The following PHLPP1 variants were observed in gnomAD, a reference collection of about 807,000 sequenced individuals.
PHLPP1 encodes PH domain and leucine rich repeat protein phosphatase 1, also known as PH domain leucine-rich repeat-containing protein phosphatase 1.
Under a neutral mutation model 117.2 loss-of-function variants are expected in PHLPP1, and 42 were observed. That is an observed-to-expected ratio of 0.36 (90% CI 0.28 to 0.46). The LOEUF (loss-of-function observed/expected upper bound fraction) is 0.46, where lower values mean the gene tolerates loss of function less well. Among genes scored for constraint, PHLPP1 ranks in the 20% least tolerant of loss-of-function variants. PHLPP1 has a pLI of 1.00. For synonymous variants in PHLPP1, 1,042 were observed against 970.7 expected (o/e 1.07, Z -1.37); for missense variants, 2,084 against 2,241.9 (o/e 0.93, Z 1.42).
At position 62,890,283 on chromosome 18, in the gene PHLPP1, T is replaced by C. The variant is rs367941439; in HGVS notation, c.2067-4728T>C. Among the ~76,000 whole-genome samples, 20 of 152,232 alleles carry C rather than the reference T, an allele frequency of 1.3e-4. No homozygotes were observed. In the East Asian group the frequency reaches 3.9e-3, roughly 29 times the overall value. ...AAATAATTTATTTATTTATTTTGTTTTGAGATGGAGTCTTGCTTTGTCACC... is the reference window on the plus strand; with the variant it reads ...AAATAATTTATTTATTTATTTTGTTCTGAGATGGAGTCTTGCTTTGTCACC... On this transcript the variant is annotated intron_variant, in intron 4 of 16. Transcript: ENST00000262719.
chr18:62,774,643 T>C (rs532110044), intron 1 of PHLPP1, among the ~76,000 whole-genome samples: 1 of 152,288 alleles, frequency 6.6e-6, no homozygotes, highest in South Asian at 2.1e-4. Context: ...TAGAACCCAT[T>C]GAGATGATTA....
intron 3 of PHLPP1, among the ~76,000 whole-genome samples, chr18:62,856,223 T>C (rs1468276374): frequency 6.6e-6 from 1 of 152,068 alleles, no homozygotes; most frequent in Non-Finnish European, 1.5e-5. Flanking sequence ...GCGCCGACCA[T>C]ATGTTGGTGA....
At position 62,731,735 on chromosome 18, in the gene PHLPP1, GT is replaced by G. The variant is rs202121578; in HGVS notation, c.1576+14478del. Among the ~76,000 whole-genome samples, 16 of 152,312 alleles carry G rather than the reference GT, an allele frequency of 1.1e-4. No individual in the cohort carries two copies. In the East Asian group the frequency reaches 2.1e-3, roughly 20 times the overall value. On this transcript the variant is annotated intron_variant, in intron 1 of 16. Coordinates refer to ENST00000262719, the MANE Select transcript of PHLPP1 (RefSeq NM_194449.4). ...TAACCAAGTTGCAAATGCAAAAGAG[GT>G]TATTGAAGGAAATTAAAAGTGCTAC...
intron 12 of PHLPP1, among the ~76,000 whole-genome samples, chr18:62,951,189 G>C (rs1209048997): frequency 1.3e-5 from 2 of 152,032 alleles, no homozygotes; most frequent in African/African-American, 4.8e-5. Context: ...CACTGTGTTA[G>C]CCAGGATGGT....
At chr18:62,946,828 C>T (rs1269582401) in intron 12 of PHLPP1, among the ~76,000 whole-genome samples, 4 of 151,952 alleles carry the variant, frequency 2.6e-5, no homozygotes, top group Admixed American at 6.6e-5. Flanking sequence ...CCAAGGCAGG[C>T]GGATCATGAG....
chr18:62,720,192 T>C (rs1302851447), intron 1 of PHLPP1, among the ~76,000 whole-genome samples: 1 of 152,188 alleles, frequency 6.6e-6, no homozygotes, highest in Non-Finnish European at 1.5e-5. Context: ...ATTCAAGAAC[T>C]TAAGGTTGCT....
At chr18:62,938,096 A>G (rs953764828) in intron 10 of PHLPP1, among the ~76,000 whole-genome samples, 1 of 152,326 alleles carries the variant, frequency 6.6e-6, no homozygotes, top group Non-Finnish European at 1.5e-5. Context: ...AAACAGTCAT[A>G]TGTTACTGCT....
chr18:62,866,424 T>C (rs1039495950), intron 4 of PHLPP1, among the ~76,000 whole-genome samples: 2 of 152,038 alleles, frequency 1.3e-5, no homozygotes, highest in Admixed American at 6.5e-5. Context: ...TTTGTAGTTT[T>C]AGTAGAGACG....
chr18:62,849,922 A>G (rs993926760), intron 3 of PHLPP1, among the ~76,000 whole-genome samples: 3 of 144,012 alleles, frequency 2.1e-5, no homozygotes, highest in African/African-American at 7.8e-5. Flanking sequence ...TAAATTTTCT[A>G]CGCCTACTCC....
At chr18:62,732,941 A>C (rs1911267452) in intron 1 of PHLPP1, among the ~76,000 whole-genome samples, 1 of 152,242 alleles carries the variant, frequency 6.6e-6, no homozygotes, top group Admixed American at 6.5e-5. Flanking sequence ...ACTTGAATGG[A>C]TGAGGAATTT....
intron 1 of PHLPP1, among the ~76,000 whole-genome samples, chr18:62,759,077 T>G (rs1343973909): frequency 3.9e-5 from 6 of 152,230 alleles, no homozygotes; most frequent in Non-Finnish European, 8.8e-5. Flanking sequence ...AGAACAGTCC[T>G]TAAGACAACT....
intron 1 of PHLPP1, among the ~76,000 whole-genome samples, chr18:62,758,001 T>G (rs1467632098): frequency 6.6e-6 from 1 of 152,198 alleles, no homozygotes; most frequent in Non-Finnish European, 1.5e-5. Flanking sequence ...AGGGACACTT[T>G]TAAATAAAAG....
chr18:62,883,272 G>A (rs1264114085), intron 4 of PHLPP1, among the ~76,000 whole-genome samples: 1 of 152,144 alleles, frequency 6.6e-6, no homozygotes, highest in Non-Finnish European at 1.5e-5. Context: ...CATGAACAGA[G>A]TGGGAAACAC....
chr18:62,971,710 G>A (rs1911053314), intron 14 of PHLPP1, among the ~76,000 whole-genome samples: 1 of 152,084 alleles, frequency 6.6e-6, no homozygotes, highest in Admixed American at 6.6e-5. Context: ...GTCCAGTTGG[G>A]GTTTGTTTGT....
chr18:62,958,424 GAA>G (rs1451851625), intron 12 of PHLPP1, among the ~76,000 whole-genome samples: 2 of 152,138 alleles, frequency 1.3e-5, no homozygotes, highest in Non-Finnish European at 2.9e-5. Context: ...GTTATTCAAA[GAA>G]AATTAAAAAA....
At chr18:62,845,249 A>C (rs1403860038) in intron 3 of PHLPP1, among the ~76,000 whole-genome samples, 1 of 152,076 alleles carries the variant, frequency 6.6e-6, no homozygotes, top group Non-Finnish European at 1.5e-5. Flanking sequence ...CACAGTCGTT[A>C]TCTCTCCTGC....
chr18:62,830,992 G>GT (rs1394894966), intron 2 of PHLPP1, among the ~76,000 whole-genome samples: 1 of 152,090 alleles, frequency 6.6e-6, no homozygotes, highest in East Asian at 1.9e-4. Flanking sequence ...AGCATTTTTA[G>GT]TTTATTAAGT....
chr18:62,943,243 A>T (rs1448626278), intron 11 of PHLPP1, among the ~76,000 whole-genome samples: 1 of 152,168 alleles, frequency 6.6e-6, no homozygotes, highest in Non-Finnish European at 1.5e-5. Flanking sequence ...TGTGGTTGTG[A>T]TGTGGCTCAG....
intron 1 of PHLPP1, 85 bp downstream of exon 1, chr18:62,717,344 A>G: frequency 6.7e-7 from 1 of 1,499,412 alleles, no homozygotes; most frequent in Non-Finnish European, 8.9e-7. Context: ...AGTTTGCCCA[A>G]CCCAAGAGTA....
Sources: gnomAD v4.1 joint callset for allele counts (sites outside exome capture counted in the v4.1 genomes callset) on GRCh38, gnomAD v4.1.1 for gene constraint, MANE v1.5 for transcripts, NCBI Gene and HGNC (gene_info 2026-07-23, HGNC 2026-07-21) for gene names.